The following SMARCAD1 variants were observed in gnomAD, a reference collection of about 807,000 sequenced individuals.
SMARCAD1 encodes the protein SWI/SNF-related matrix-associated actin-dependent regulator of chromatin subfamily A containing DEAD/H box 1.
In SMARCAD1, 25 loss-of-function variants were observed where a neutral mutation model predicts 127.1. The observed-to-expected ratio is 0.20, with a 90% CI of 0.14 to 0.27. The LOEUF is 0.27. Ranked by LOEUF, SMARCAD1 falls within the 10% of genes least tolerant of loss-of-function variation. The probability of loss-of-function intolerance (pLI) is 1.00; values close to 1 mark genes in which losing one functional copy is unlikely to be tolerated. For synonymous variants in SMARCAD1, 400 were observed against 396.9 expected (o/e 1.01, Z -0.09); for missense variants, 807 against 1,206.0 (o/e 0.67, Z 4.90).
At chr4:94,223,475 A>G (rs1008774663) in intron 2 of SMARCAD1, among the ~76,000 whole-genome samples, 1 of 152,188 alleles carries the variant, frequency 6.6e-6, no homozygotes, top group African/African-American at 2.4e-5. Context: ...CCTGGGCGAC[A>G]GAGCGAGACT....
chr4:94,208,885 T>C (rs1741708071), intron 2 of SMARCAD1, among the ~76,000 whole-genome samples: 1 of 152,192 alleles, frequency 6.6e-6, no homozygotes, highest in African/African-American at 2.4e-5. Context: ...ATGTCAGTGA[T>C]TCAGTCCTAT....
intron 6 of SMARCAD1, among the ~76,000 whole-genome samples, chr4:94,245,290 G>A (rs897528207): frequency 6.6e-5 from 10 of 152,158 alleles, no homozygotes; most frequent in African/African-American, 2.4e-4. Flanking sequence ...AGAAGATGTC[G>A]ATGACAGTGA....
Position 94,291,213 on chromosome 4 carries a change from A to C in SMARCAD1, c.*1679A>C, listed in dbSNP as rs1475792151. ...TTGTTGTTGTTATATCCATACTTTT[A>C]TCTCTAATGAAATGTAGTTGGGTTC... On this transcript the variant is annotated 3_prime_UTR_variant, in exon 24 of 24. Coordinates refer to ENST00000354268, the MANE Select transcript of SMARCAD1 (RefSeq NM_020159.5). 1 of 453,840 alleles carries C rather than the reference A, an allele frequency of 2.2e-6. No homozygotes were observed. The highest frequency in any genetic ancestry group is 2.0e-5 in the African/African-American group (1 of 50,072). The allele number at this position is 453,840 out of a possible 1,614,324, so 28.1% of individuals were successfully genotyped here.
At chr4:94,256,360 T>TTTTTG (rs895975325) in intron 9 of SMARCAD1, among the ~76,000 whole-genome samples, 2 of 151,948 alleles carry the variant, frequency 1.3e-5, no homozygotes, top group East Asian at 1.9e-4. Flanking sequence ...TCTTTTTTGG[T>TTTTTG]TTTTGTTTTG....
Position 94,274,907 on chromosome 4 carries a change from A to G in SMARCAD1, c.1750A>G (p.Lys584Glu). The G allele has an allele frequency of 6.2e-7, 1 of 1,602,978 alleles. No individual in the cohort carries two copies. The highest frequency in any genetic ancestry group is 8.5e-7 in the Non-Finnish European group (1 of 1,170,324). Residue 584 changes from lysine (K) to glutamate (E), a missense_variant, in exon 14 of 24, where the codon AAA becomes GAA. Coordinates refer to ENST00000354268, the MANE Select transcript of SMARCAD1 (RefSeq NM_020159.5). ...AATTCTAGGTTCTCAAGAAGAACGT[A>G]AACAAATTAGATTTAACATTCATAG... ...LCYYGSQEER[K>E]QIRFNIHSRY... is the part of the protein sequence containing the mutation.
At position 94,264,786 on chromosome 4, in the gene SMARCAD1, T is replaced by G; in HGVS notation, c.1361T>G (p.Val454Gly). The part of the protein sequence containing the change: ...HCKTLIQERD[V>G]VIRLMNKCED... ...AAAACACTGATCCAAGAAAGAGATG[T>G]AGTTATAAGGCTTATGAACAAATGT... is the stretch of plus-strand genomic sequence containing the variant. Residue 454 changes from valine (V) to glycine (G), a missense_variant, in exon 10 of 24, where the codon GTA becomes GGA. Around this residue, in one of 8 missense-constraint regions of SMARCAD1, gnomAD observed 257 missense variants for 303.4 expected, o/e 0.85. Transcript: ENST00000354268. The G allele has an allele frequency of 6.2e-7, 1 of 1,612,812 alleles. No individual in the cohort carries two copies.
At chr4:94,282,234 C>T (rs1222517069) in intron 21 of SMARCAD1, among the ~76,000 whole-genome samples, 2 of 103,810 alleles carry the variant, frequency 1.9e-5, no homozygotes, top group Non-Finnish European at 4.2e-5. Context: ...GTAGCTGGGA[C>T]TACAGGCGCC....
intron 2 of SMARCAD1, among the ~76,000 whole-genome samples, chr4:94,213,753 C>G (rs916988152): frequency 1.3e-5 from 2 of 152,024 alleles, no homozygotes; most frequent in Non-Finnish European, 2.9e-5. Context: ...GGATTGACAC[C>G]ATGGACTGAA....
In SMARCAD1 at chr4:94,289,606, T is replaced by A. The variant is rs762867704; in HGVS notation, c.*72T>A. ...GCACTCAAGGACATTTACATTATGA[T>A]GACCATGGGGTTTATGAACATTTAT... is the stretch of plus-strand genomic sequence containing the variant. On this transcript the variant is annotated 3_prime_UTR_variant, in exon 24 of 24. Coordinates refer to ENST00000354268, the MANE Select transcript of SMARCAD1 (RefSeq NM_020159.5). 8.3e-7 allele frequency: 1 copy of A among 1,211,232 alleles called. No homozygotes were observed. The highest frequency in any genetic ancestry group is 2.3e-5 in the East Asian group (1 of 42,868). The allele number at this position is 1,211,232 out of a possible 1,614,324, so 75.0% of individuals were successfully genotyped here.
At chr4:94,212,496 TA>T (rs1272213499) in intron 2 of SMARCAD1, among the ~76,000 whole-genome samples, 2 of 150,206 alleles carry the variant, frequency 1.3e-5, no homozygotes, top group African/African-American at 4.9e-5. Context: ...TATTTATTAT[TA>T]TTTTTTTGAG....
intron 2 of SMARCAD1, among the ~76,000 whole-genome samples, chr4:94,220,643 A>T (rs1208604556): frequency 3.3e-5 from 5 of 152,222 alleles, no homozygotes; most frequent in South Asian, 2.1e-4. Flanking sequence ...TCATAATAAT[A>T]TTAAGACACT....
chr4:94,232,987 G>A (rs2125856390), intron 3 of SMARCAD1, among the ~76,000 whole-genome samples: 1 of 152,096 alleles, frequency 6.6e-6, no homozygotes, highest in African/African-American at 2.4e-5. Context: ...CTCAAAAAAA[G>A]AAAAAACACA....
At chr4:94,241,985 C>T (rs1747650062) in intron 6 of SMARCAD1, among the ~76,000 whole-genome samples, 2 of 152,122 alleles carry the variant, frequency 1.3e-5, no homozygotes, top group East Asian at 1.9e-4. Context: ...TGAACATTCA[C>T]ACAAACACCG....
chr4:94,235,834 G>A (rs529493622), intron 4 of SMARCAD1, among the ~76,000 whole-genome samples: 1 of 151,858 alleles, frequency 6.6e-6, no homozygotes, highest in African/African-American at 2.4e-5. Flanking sequence ...TTTTTTTCTT[G>A]TAAAAATCTT....
chr4:94,265,287 C>T (rs937462096), intron 10 of SMARCAD1, among the ~76,000 whole-genome samples: 9 of 151,964 alleles, frequency 5.9e-5, no homozygotes, highest in Admixed American at 5.9e-4. Context: ...AGCGTAAAAC[C>T]TCCTTTCCTA....
intron 22 of SMARCAD1, 108 bp from the exon 23 acceptor site, chr4:94,284,852 G>A (rs1754706892): frequency 2.7e-6 from 2 of 731,282 alleles, no homozygotes; most frequent in South Asian, 3.6e-5. Flanking sequence ...TTAAGGATAT[G>A]TTTGTCGTAA....
intron 22 of SMARCAD1, among the ~76,000 whole-genome samples, chr4:94,284,224 A>G (rs1261507925): frequency 6.9e-6 from 1 of 144,014 alleles, no homozygotes; most frequent in East Asian, 2.2e-4. Context: ...CTACTCGGGA[A>G]GCTGAGGCAG....
intron 10 of SMARCAD1, among the ~76,000 whole-genome samples, chr4:94,269,134 T>C (rs1297885384): frequency 1.3e-5 from 2 of 152,208 alleles, no homozygotes; most frequent in African/African-American, 4.8e-5. Context: ...TGGGAAATGT[T>C]TTATAAGTTG....
intron 10 of SMARCAD1, among the ~76,000 whole-genome samples, chr4:94,265,357 T>C (rs1016860581): frequency 1.3e-5 from 2 of 150,804 alleles, no homozygotes; most frequent in East Asian, 2.0e-4. Flanking sequence ...TGATGAAATG[T>C]TTTAAATGAT....
Sources: gnomAD v4.1 joint callset for allele counts (sites outside exome capture counted in the v4.1 genomes callset) on GRCh38, gnomAD v4.1.1 for gene constraint, gnomAD v4.1.1 regional missense constraint, MANE v1.5 for transcripts, NCBI Gene and HGNC (gene_info 2026-07-23, HGNC 2026-07-21) for gene names.